Variants in SSBP2 observed in about 807,000 individuals in gnomAD.
SSBP2 encodes single stranded DNA binding protein 2.
A neutral mutation model predicts 61.8 loss-of-function variants in SSBP2; 17 were observed. The ratio of observed to expected loss-of-function variants is 0.28; its 90% CI spans 0.19 to 0.41. SSBP2 has a LOEUF of 0.41. SSBP2 is among the 10% of genes least tolerant of loss of function. The pLI is 1.00. For synonymous variants in SSBP2, 139 were observed against 141.3 expected, an observed-to-expected ratio of 0.98 and a Z score of 0.12; for missense variants, 310 against 458.7, an observed-to-expected ratio of 0.68 and a Z score of 2.96.
At chr5:81,477,498 T>C (rs1765670211) in intron 6 of SSBP2, among the ~76,000 whole-genome samples, 1 of 152,180 alleles carries the variant, frequency 6.6e-6, no homozygotes, top group Non-Finnish European at 1.5e-5. Flanking sequence ...TAGTTACTTA[T>C]TACTCCTCAA....
intron 4 of SSBP2, among the ~76,000 whole-genome samples, chr5:81,544,338 C>T (rs1380618871): frequency 6.6e-6 from 1 of 152,178 alleles, no homozygotes; most frequent in Non-Finnish European, 1.5e-5. Flanking sequence ...TAAGCCACTG[C>T]GCCTGGCCCA....
At chr5:81,631,034 C>A (rs1747655370) in intron 3 of SSBP2, among the ~76,000 whole-genome samples, 1 of 151,962 alleles carries the variant, frequency 6.6e-6, no homozygotes, top group Non-Finnish European at 1.5e-5. Flanking sequence ...TGAGGACACT[C>A]AATTACATTT....
At chr5:81,601,973 T>C (rs1049184455) in intron 4 of SSBP2, among the ~76,000 whole-genome samples, 2 of 152,174 alleles carry the variant, frequency 1.3e-5, no homozygotes, top group Non-Finnish European at 2.9e-5. Context: ...TAGGAGGAGA[T>C]AGGAAGCATG....
chr5:81,521,662 T>C (rs1310890250), intron 4 of SSBP2, among the ~76,000 whole-genome samples: 1 of 152,018 alleles, frequency 6.6e-6, no homozygotes, highest in Admixed American at 6.6e-5. Flanking sequence ...AATTCTCAGA[T>C]GTTTCAATTC....
chr5:81,622,048 T>C (rs1447856234), intron 3 of SSBP2, among the ~76,000 whole-genome samples: 1 of 147,420 alleles, frequency 6.8e-6, no homozygotes, highest in Admixed American at 6.8e-5. Context: ...ATGGCACATG[T>C]ATACATATGT....
chr5:81,597,881 T>G (rs1743945721), intron 4 of SSBP2, among the ~76,000 whole-genome samples: 1 of 143,390 alleles, frequency 7.0e-6, no homozygotes, highest in Non-Finnish European at 1.5e-5. Flanking sequence ...GGGGGAGGGA[T>G]AGCATTAGGA....
chr5:81,628,429 AAG>A (rs1747394789), intron 3 of SSBP2, among the ~76,000 whole-genome samples: 1 of 152,246 alleles, frequency 6.6e-6, no homozygotes, highest in Non-Finnish European at 1.5e-5. Context: ...AAACTATATC[AAG>A]AGATATGAGA....
At chr5:81,534,797 G>T (rs999239039) in intron 4 of SSBP2, among the ~76,000 whole-genome samples, 1 of 152,038 alleles carries the variant, frequency 6.6e-6, no homozygotes, top group African/African-American at 2.4e-5. Flanking sequence ...TAATGACTGA[G>T]AATTTCTCCA....
chr5:81,623,779 T>G (rs925572214), intron 3 of SSBP2, among the ~76,000 whole-genome samples: 1 of 152,154 alleles, frequency 6.6e-6, no homozygotes, highest in African/African-American at 2.4e-5. Context: ...TAAATATTTA[T>G]CTTATAATAG....
chr5:81,578,790 T>C (rs1175706408), intron 4 of SSBP2, among the ~76,000 whole-genome samples: 2 of 152,000 alleles, frequency 1.3e-5, no homozygotes, highest in Non-Finnish European at 2.9e-5. Context: ...TCATTTTTTT[T>C]TTCTAGACTT....
intron 2 of SSBP2, among the ~76,000 whole-genome samples, chr5:81,641,902 T>C (rs549023494): frequency 1.2e-4 from 18 of 152,042 alleles, no homozygotes; most frequent in Non-Finnish European, 2.5e-4. Context: ...GAATATTATG[T>C]ATAGCATAAA....
At chr5:81,620,307 A>G (rs1746449667) in intron 3 of SSBP2, among the ~76,000 whole-genome samples, 1 of 88,714 alleles carries the variant, frequency 1.1e-5, no homozygotes, top group African/African-American at 4.6e-5. Context: ...TTATACACCA[A>G]CAACAGACAA....
At chr5:81,610,797 C>T (rs1352617299) in intron 4 of SSBP2, among the ~76,000 whole-genome samples, 1 of 152,064 alleles carries the variant, frequency 6.6e-6, no homozygotes, top group Non-Finnish European at 1.5e-5. Flanking sequence ...AGTTTCAGAC[C>T]AGCCTGATCA....
At chr5:81,540,221 A>G (rs1305865415) in intron 4 of SSBP2, among the ~76,000 whole-genome samples, 1 of 152,156 alleles carries the variant, frequency 6.6e-6, no homozygotes, top group Non-Finnish European at 1.5e-5. Flanking sequence ...ATGCATCTTT[A>G]TAGCAGCATG....
intron 4 of SSBP2, among the ~76,000 whole-genome samples, chr5:81,594,990 A>T (rs1314503925): frequency 6.6e-6 from 1 of 152,220 alleles, no homozygotes; most frequent in African/African-American, 2.4e-5. Context: ...AATAACTAAG[A>T]TCAGAGCAGA....
At chr5:81,512,751 A>G (rs1768712454) in intron 5 of SSBP2, among the ~76,000 whole-genome samples, 1 of 152,146 alleles carries the variant, frequency 6.6e-6, no homozygotes, top group Admixed American at 6.5e-5. Flanking sequence ...GTGAATTTGA[A>G]TTAGCTAACA....
chr5:81,584,999 AAT>A (rs1162782544), intron 4 of SSBP2, among the ~76,000 whole-genome samples: 19 of 152,186 alleles, frequency 1.2e-4, no homozygotes, highest in Admixed American at 5.2e-4. Context: ...AGAAATACAT[AAT>A]AGTCATATTT....
chr5:81,543,983 C>T (rs1036407430), intron 4 of SSBP2, among the ~76,000 whole-genome samples: 4 of 152,150 alleles, frequency 2.6e-5, no homozygotes, highest in African/African-American at 9.7e-5. Flanking sequence ...TGCTCAAACA[C>T]TGACACTATC....
At chr5:81,705,590 TTAA>T (rs1044685342) in intron 1 of SSBP2, among the ~76,000 whole-genome samples, 4 of 152,190 alleles carry the variant, frequency 2.6e-5, no homozygotes, top group African/African-American at 9.7e-5. Flanking sequence ...TGTCAACTAA[TTAA>T]TAATTGTAAA....
Sources: gnomAD v4.1 joint callset for allele counts (sites outside exome capture counted in the v4.1 genomes callset) on GRCh38, gnomAD v4.1.1 for gene constraint, MANE v1.5 for transcripts, NCBI Gene and HGNC (gene_info 2026-07-23, HGNC 2026-07-21) for gene names.